Variants in OSTN observed in about 807,000 individuals in gnomAD.
OSTN encodes the protein osteocrin.
OSTN carries 9 observed loss-of-function variants against 12.0 expected under a neutral mutation model. The observed-to-expected ratio is 0.75, with a 90% confidence interval of 0.45 to 1.30. OSTN has a LOEUF of 1.30. Among genes scored for constraint, OSTN ranks in the 50% most tolerant of loss-of-function variants. The probability of loss-of-function intolerance (pLI) is 0.00; values close to 1 mark genes in which losing one functional copy is unlikely to be tolerated. For synonymous variants in OSTN, 59 were observed against 56.9 expected (o/e 1.04, Z -0.16); for missense variants, 148 against 152.3 (o/e 0.97, Z 0.15).
In OSTN at chr3:191,245,267, C is replaced by G. The variant is rs182256885; in HGVS notation, c.318-4770C>G. Among the ~76,000 whole-genome samples, 3 of 152,254 alleles carry G rather than the reference C, an allele frequency of 2.0e-5. No homozygotes were observed. In the East Asian group the frequency reaches 5.8e-4, roughly 29 times the overall value. ...ACCTTTGTCTTATTCACTGTAGTAT[C>G]CCCAATGCACATAACAACACATAAC... On this transcript the variant is annotated intron_variant, in intron 3 of 4. Transcript: ENST00000682035.
chr3:191,248,999 TTC>T (rs1481038198), intron 3 of OSTN, among the ~76,000 whole-genome samples: 2 of 152,200 alleles, frequency 1.3e-5, no homozygotes, highest in Admixed American at 1.3e-4. Flanking sequence ...GCTGGCAATG[TTC>T]TGTTTCTTGG....
At chr3:191,210,068 G>A (rs573469208) in intron 1 of OSTN, among the ~76,000 whole-genome samples, 117 of 152,328 alleles carry the variant, frequency 7.7e-4, no homozygotes, top group African/African-American at 2.6e-3. Context: ...CAGGAAGCAC[G>A]GCTGGGGAGG....
chr3:191,212,158 G>A (rs760053260), intron 1 of OSTN, among the ~76,000 whole-genome samples: 4 of 152,100 alleles, frequency 2.6e-5, no homozygotes, highest in Admixed American at 6.5e-5. Context: ...CAGGACTTAC[G>A]CTCTAATGCC....
In OSTN at chr3:191,257,185, C is replaced by CAA. The variant is rs71175391; in HGVS notation, c.*13-5658_*13-5657dup. On this transcript the variant is annotated intron_variant, in intron 4 of 4. Coordinates refer to ENST00000682035, the MANE Select transcript of OSTN (RefSeq NM_198184.2). ...TGGGTGACAGAGCAAAACCCTCTCT[C>CAA]AAAAAAAAAAAAAAAAAAAAAAAAG... Among the ~76,000 whole-genome samples the CAA allele has an allele frequency of 4.9e-3, 350 of 72,028 alleles. 4 individuals carry two copies. Among genetic ancestry groups the CAA allele is most frequent in the Middle Eastern group, 9.8e-3 (1 of 102 alleles). The allele number at this position is 72,028 out of a possible 152,430, so 47.3% of individuals were successfully genotyped here.
intron 3 of OSTN, among the ~76,000 whole-genome samples, chr3:191,224,958 A>T (rs1211755649): frequency 1.3e-5 from 2 of 152,096 alleles, no homozygotes; most frequent in African/African-American, 4.8e-5. Context: ...ATAAGCAGAA[A>T]AAAAGCATAA....
intron 4 of OSTN, among the ~76,000 whole-genome samples, chr3:191,258,513 G>A (rs12497631): frequency 0.4 from 57,619 of 143,742 alleles, 12,185 homozygotes; most frequent in South Asian, 0.56. Flanking sequence ...CAAGGGGAGG[G>A]ATAGCATTAA....
intron 3 of OSTN, among the ~76,000 whole-genome samples, chr3:191,235,158 C>A (rs376270278): frequency 7.2e-5 from 11 of 152,258 alleles, no homozygotes; most frequent in Middle Eastern, 3.4e-3. Context: ...TGTTCCCTAC[C>A]CCTTGAGTAA....
intron 4 of OSTN, among the ~76,000 whole-genome samples, chr3:191,259,525 C>T (rs1427377944): frequency 1.3e-5 from 2 of 151,356 alleles, no homozygotes; most frequent in African/African-American, 2.4e-5. Flanking sequence ...AAAATACACT[C>T]CCTGGTAAAA....
chr3:191,228,646 C>G (rs1560118565), intron 3 of OSTN: 1 of 152,126 alleles, frequency 6.6e-6, no homozygotes, highest in Non-Finnish European at 1.5e-5. Context: ...ACTGAAAAAT[C>G]TTTAGAAAAT....
intron 3 of OSTN, among the ~76,000 whole-genome samples, chr3:191,233,599 C>T (rs1263368131): frequency 1.3e-5 from 2 of 152,044 alleles, no homozygotes; most frequent in Non-Finnish European, 2.9e-5. Flanking sequence ...GATCTGCCTG[C>T]CTCAACCTTC....
chr3:191,247,762 T>C (rs548677609), intron 3 of OSTN, among the ~76,000 whole-genome samples: 1 of 152,352 alleles, frequency 6.6e-6, no homozygotes, highest in South Asian at 2.1e-4. Flanking sequence ...AATTAGAACT[T>C]ATCAATGTTT....
intron 3 of OSTN, among the ~76,000 whole-genome samples, chr3:191,249,670 A>C (rs1306327784): frequency 6.6e-6 from 1 of 152,190 alleles, no homozygotes; most frequent in African/African-American, 2.4e-5. Flanking sequence ...TATCCAGTTT[A>C]ATATTCACAA....
At chr3:191,241,161 C>T (rs1484834868) in intron 3 of OSTN, among the ~76,000 whole-genome samples, 1 of 109,434 alleles carries the variant, frequency 9.1e-6, no homozygotes, top group Non-Finnish European at 1.9e-5. Context: ...GAGCTCTGTG[C>T]CTTGACTTTT....
At chr3:191,215,687 C>A (rs1714590790) in intron 2 of OSTN, among the ~76,000 whole-genome samples, 1 of 152,144 alleles carries the variant, frequency 6.6e-6, no homozygotes, top group Admixed American at 6.6e-5. Context: ...GAGATCATTC[C>A]AAAACCATTT....
intron 3 of OSTN, among the ~76,000 whole-genome samples, chr3:191,220,519 T>C (rs1560116444): frequency 6.6e-6 from 1 of 152,142 alleles, no homozygotes; most frequent in Non-Finnish European, 1.5e-5. Flanking sequence ...AAGAGAATGC[T>C]AGTACACTGT....
chr3:191,236,714 C>G (rs977797230), intron 3 of OSTN, among the ~76,000 whole-genome samples: 4 of 152,226 alleles, frequency 2.6e-5, no homozygotes, highest in African/African-American at 9.6e-5. Flanking sequence ...GATATCGTGA[C>G]ATCAGGATAT....
intron 3 of OSTN, among the ~76,000 whole-genome samples, chr3:191,219,541 A>C (rs1455027882): frequency 1.3e-5 from 2 of 152,246 alleles, no homozygotes; most frequent in Non-Finnish European, 2.9e-5. Context: ...CAAATGAGAT[A>C]ATCAAATGTA....
intron 4 of OSTN, among the ~76,000 whole-genome samples, chr3:191,258,659 TAA>T (rs71635349): frequency 0.033 from 4,707 of 142,082 alleles, 144 homozygotes; most frequent in Middle Eastern, 0.14. Flanking sequence ...AAAGTATAAT[TAA>T]AAAAAAAAAA....
intron 2 of OSTN, among the ~76,000 whole-genome samples, chr3:191,216,832 A>T (rs1270326626): frequency 6.6e-6 from 1 of 152,142 alleles, no homozygotes; most frequent in Non-Finnish European, 1.5e-5. Context: ...AATATTCAAC[A>T]AGTGTCTAGG....
Sources: allele counts gnomAD v4.1 joint callset (sites outside exome capture counted in the v4.1 genomes callset), GRCh38; gene constraint gnomAD v4.1.1; transcripts MANE v1.5; gene names NCBI Gene and HGNC (gene_info 2026-07-23, HGNC 2026-07-21).